Variants in TNIP1 observed in about 807,000 individuals in gnomAD.
TNIP1 encodes TNFAIP3-interacting protein 1.
In TNIP1, 22 loss-of-function variants were observed where a neutral mutation model predicts 86.6. The observed-to-expected ratio is 0.25, with a 90% CI of 0.18 to 0.36. The LOEUF (loss-of-function observed/expected upper bound fraction) is 0.36. TNIP1 is among the 10% of genes least tolerant of loss of function. The pLI is 1.00. For synonymous variants in TNIP1, 294 were observed against 313.0 expected, an observed-to-expected ratio of 0.94 and a Z score of 0.64; for missense variants, 709 against 820.6, an observed-to-expected ratio of 0.86 and a Z score of 1.66.
intron 9 of TNIP1, among the ~76,000 whole-genome samples, chr5:151,043,652 A>G (rs1758748570): frequency 6.6e-6 from 1 of 152,064 alleles, no homozygotes; most frequent in African/African-American, 2.4e-5. Flanking sequence ...GCACGCATCT[A>G]TAGTCTCAAC....
intron 5 of TNIP1, among the ~76,000 whole-genome samples, chr5:151,058,538 C>T (rs1581840683): frequency 6.6e-6 from 1 of 152,228 alleles, no homozygotes; most frequent in African/African-American, 2.4e-5. Context: ...GTCCCATCCA[C>T]AGCAGCATCC....
At chr5:151,076,851 A>T (rs182881483) in intron 1 of TNIP1, among the ~76,000 whole-genome samples, 19 of 152,268 alleles carry the variant, frequency 1.2e-4, no homozygotes, top group Non-Finnish European at 2.5e-4. Context: ...TGTTGAGGGA[A>T]TGCAAGCCAG....
Position 151,063,685 on chromosome 5 carries a change from C to G in TNIP1, c.199G>C (p.Val67Leu). 1 of 1,614,140 alleles carries G rather than the reference C, an allele frequency of 6.2e-7. No individual in the cohort carries two copies. Among genetic ancestry groups the G allele is most frequent in the Non-Finnish European group, 8.5e-7 (1 of 1,179,998 alleles). Residue 67 changes from valine (V) to leucine (L), a missense_variant, in exon 3 of 18, where the codon GTG (valine) becomes CTG (leucine). By Grantham distance (32) the Val-to-Leu change is conservative. Transcript: ENST00000521591. ...GGTGGGAGCAGCTCGTTGTCCTTCA[C>G]TAGCTCCTCTGCCTTCTGCCGGAGC... ...TRLRQKAEEL[V>L]KDNELLPPPS...
chr5:151,044,490 CTCTAGGAGG>C (rs1283343285), intron 9 of TNIP1, among the ~76,000 whole-genome samples: 2 of 151,980 alleles, frequency 1.3e-5, no homozygotes, highest in African/African-American at 2.4e-5. Context: ...TTGTGGTTTT[CTCTAGGAGG>C]TGGTATTCTT....
chr5:151,049,075 A>C (rs2113510605), intron 8 of TNIP1, among the ~76,000 whole-genome samples: 2 of 152,336 alleles, frequency 1.3e-5, no homozygotes, highest in South Asian at 4.1e-4. Flanking sequence ...AGTAATAAGG[A>C]ATTAAGCCAT....
At chr5:151,078,657 T>A (rs1763658871) in intron 1 of TNIP1, among the ~76,000 whole-genome samples, 1 of 152,170 alleles carries the variant, frequency 6.6e-6, no homozygotes, top group African/African-American at 2.4e-5. Context: ...GAGCTGACAT[T>A]TGAGCTGAGA....
chr5:151,067,811 C>G (rs1157901154), intron 1 of TNIP1, among the ~76,000 whole-genome samples: 6 of 152,182 alleles, frequency 3.9e-5, no homozygotes, highest in Non-Finnish European at 7.3e-5. Context: ...GTCCAACATC[C>G]CAGAGAAAGC....
chr5:151,049,554 ACAC>A (rs985416402), intron 8 of TNIP1, among the ~76,000 whole-genome samples: 2 of 152,208 alleles, frequency 1.3e-5, no homozygotes, highest in Non-Finnish European at 2.9e-5. Flanking sequence ...AAACGACTCA[ACAC>A]CACCTTCTAT....
At chr5:151,033,937 G>A in intron 15 of TNIP1, 138 bp from the exon 16 acceptor site, 1 of 678,794 alleles carries the variant, frequency 1.5e-6, no homozygotes, top group Non-Finnish European at 2.3e-6. Flanking sequence ...GTCATGAAAG[G>A]CTGCTACATG....
upstream of TNIP1, among the ~76,000 whole-genome samples, chr5:151,084,591 T>G (rs539022490): frequency 6.6e-6 from 1 of 152,320 alleles, no homozygotes; most frequent in African/African-American, 2.4e-5. Flanking sequence ...AACCCAAGTA[T>G]CCTTCTCCCA....
chr5:151,083,540 G>A (rs1461349892), upstream of TNIP1, among the ~76,000 whole-genome samples: 2 of 152,242 alleles, frequency 1.3e-5, no homozygotes, highest in Admixed American at 6.5e-5. Context: ...TGGGCCTGAC[G>A]CTGGGAGCTG....
Position 151,049,808 on chromosome 5 carries a change from AT to A in TNIP1, c.846+15del. The A allele has an allele frequency of 6.2e-7, 1 of 1,614,000 alleles. No homozygotes were observed. Among genetic ancestry groups the A allele is most frequent in the African/African-American group, 1.3e-5 (1 of 75,040 alleles). ...TGCAACCAAGGATGCTACAGAAGGAATTTCTGACCACATACCTGCTGCTGTC... is the reference window on the plus strand; with the variant it reads ...TGCAACCAAGGATGCTACAGAAGGAATTCTGACCACATACCTGCTGCTGTC... On this transcript the variant is annotated intron_variant, in intron 8 of 17. Transcript: ENST00000521591.
At chr5:151,051,886 G>A (rs1186603762) in intron 7 of TNIP1, among the ~76,000 whole-genome samples, 1 of 152,154 alleles carries the variant, frequency 6.6e-6, no homozygotes, top group African/African-American at 2.4e-5. Flanking sequence ...CCGTTAACAG[G>A]GGAGAGAGGC....
chr5:151,059,828 A>AGAGTGTGT (rs1554076446), intron 5 of TNIP1, among the ~76,000 whole-genome samples: 12 of 56,410 alleles, frequency 2.1e-4, no homozygotes, highest in East Asian at 7.0e-4. Flanking sequence ...AGAGAGAGAG[A>AGAGTGTGT]GTGTGTGTGT....
intron 15 of TNIP1, chr5:151,034,641 G>C (rs76375406): frequency 1.3e-5 from 4 of 319,728 alleles, no homozygotes; most frequent in Non-Finnish European, 2.3e-5. Context: ...TGGAAGGCTG[G>C]GCATGGGCAC....
At chr5:151,083,181 T>C (rs1481737091), upstream of TNIP1, among the ~76,000 whole-genome samples, 1 of 152,216 alleles carries the variant, frequency 6.6e-6, no homozygotes, top group Non-Finnish European at 1.5e-5. Context: ...AGCCACTTAC[T>C]ACCTGGGTGG....
chr5:151,078,185 G>T (rs534731239), intron 1 of TNIP1, among the ~76,000 whole-genome samples: 11 of 152,314 alleles, frequency 7.2e-5, no homozygotes, highest in African/African-American at 2.6e-4. Flanking sequence ...AGCTCCTTAC[G>T]CACCTGTGCA....
rs1758627987 is a variant in TNIP1 at position 151,042,885 on chromosome 5, C to T, written c.1002+11G>A. 2.5e-6 allele frequency: 4 copies of T among 1,613,288 alleles called. No homozygotes were observed. In the African/African-American group the frequency reaches 4.0e-5, roughly 16 times the overall value. ...CATGCCCTGTGGGCGTGGCCAGGAA[C>T]CCCACATTACCTTCTGCTCATACTG... On this transcript the variant is annotated intron_variant, in intron 10 of 17. Transcript: ENST00000521591.
chr5:151,060,876 T>C (rs1321033160), intron 4 of TNIP1, among the ~76,000 whole-genome samples: 1 of 152,210 alleles, frequency 6.6e-6, no homozygotes, highest in African/African-American at 2.4e-5. Context: ...AGCTGTCTCT[T>C]AGGCCCAGAC....
Sources: gnomAD v4.1 joint callset for allele counts (sites outside exome capture counted in the v4.1 genomes callset) on GRCh38, gnomAD v4.1.1 for gene constraint, MANE v1.5 for transcripts, NCBI Gene and HGNC (gene_info 2026-07-23, HGNC 2026-07-21) for gene names.